Variants in PPP2R3B observed in about 807,000 individuals in gnomAD.
PPP2R3B encodes the protein protein phosphatase 2 regulatory subunit B''beta.
Under a neutral mutation model 72.9 loss-of-function variants are expected in PPP2R3B, and 68 were observed. That is an observed-to-expected ratio of 0.93 (90% confidence interval 0.77 to 1.14). The LOEUF is 1.14. Among genes scored for constraint, PPP2R3B ranks in the 50% most tolerant of loss-of-function variants. PPP2R3B has a pLI of 0.00. For synonymous variants in PPP2R3B, 466 were observed against 375.8 expected, an observed-to-expected ratio of 1.24 and a Z score of -2.78; for missense variants, 1,018 against 842.0, an observed-to-expected ratio of 1.21 and a Z score of -2.59.
chrX:351,342 A>G (rs772968745), intron 2 of PPP2R3B, among the ~76,000 whole-genome samples: 2 of 152,260 alleles, frequency 1.3e-5, no homozygotes, highest in African/African-American at 4.8e-5. Context: ...GCAGGTTTCA[A>G]ACCCCAAGCG....
intron 2 of PPP2R3B, among the ~76,000 whole-genome samples, chrX:349,640 T>C (rs753084179): frequency 2.6e-5 from 4 of 152,330 alleles, no homozygotes; most frequent in East Asian, 1.9e-4. Flanking sequence ...CGGGAATTAA[T>C]AAGTATCTTC....
In PPP2R3B at chrX:346,775, C is replaced by T. The variant is rs1421935273; in HGVS notation, c.718G>A (p.Asp240Asn). ...VQEDFVPFLQ[D>N]VVNTHPGLSF... ...AGCCCCGGGTGCGTGTTCACCACGT[C>T]CTGCGGGTGGGAAGACACGAGGCGC... The change falls in exon 5 of 13, where the codon GAC becomes AAC. Residue 240 changes from aspartate (D) to asparagine (N), a missense_variant and splice_region_variant. Transcript: ENST00000390665. 14 of 1,608,916 alleles carry T rather than the reference C, an allele frequency of 8.7e-6. No homozygotes were observed. In the Admixed American group the frequency reaches 2.2e-4, roughly 25 times the overall value.
At chrX:369,634 C>T (rs1486159309) in intron 1 of PPP2R3B, among the ~76,000 whole-genome samples, 1 of 152,220 alleles carries the variant, frequency 6.6e-6, no homozygotes, top group Non-Finnish European at 1.5e-5. Context: ...CGTGACACAT[C>T]CTCTCGCGAC....
At chrX:338,320 C>A (rs1289877350) in intron 12 of PPP2R3B, 22 of 573,182 alleles carry the variant, frequency 3.8e-5, no homozygotes, top group Admixed American at 3.6e-4. Flanking sequence ...ACGACTCGGC[C>A]TCCCCGTGCT....
At chrX:367,933 T>C (rs1158956006) in intron 1 of PPP2R3B, among the ~76,000 whole-genome samples, 2 of 152,206 alleles carry the variant, frequency 1.3e-5, no homozygotes, top group African/African-American at 2.4e-5. Context: ...CACAAGGTGA[T>C]GGACAGACCT....
Position 361,514 on chromosome X carries a change from C to T in PPP2R3B, c.401G>A (p.Arg134His), listed in dbSNP as rs372113698. ...ATCCACGTTGACGGAGTCCTGCGGG[C>T]GTCCTCTGGGGAAGTAGAAGGTCGG... is the stretch of plus-strand genomic sequence containing the variant. The part of the protein sequence containing the change: ...SIPTFYFPRG[R>H]PQDSVNVDAV... Residue 134 changes from arginine (R) to histidine (H), a missense_variant, in exon 2 of 13, where the codon CGC (arginine) becomes CAC (histidine). Coordinates refer to ENST00000390665, the MANE Select transcript of PPP2R3B (RefSeq NM_013239.5). The T allele has an allele frequency of 8.9e-5, 143 of 1,613,884 alleles. No homozygotes were observed. Among genetic ancestry groups the T allele is most frequent in the South Asian group, 1.9e-4 (17 of 91,082 alleles).
rs370765133 is a variant in PPP2R3B, at chrX:334,032, G to A, written c.*335C>T. 9.1e-4 allele frequency: 226 copies of A among 248,364 alleles called. No individual in the cohort carries two copies. In the East Asian group the frequency reaches 0.012, roughly 13 times the overall value. 15.4% of individuals were successfully genotyped at this position (248,364 alleles called of 1,614,324 possible). A position where few individuals can be genotyped will look rare whatever the true frequency, so the allele number is the denominator to read the frequency against. ...GGAGGCTCCTGTCCAGGACTGAGGC[G>A]CCCGGGAGCCGCCGGTCACCGTTGT... On this transcript the variant is annotated 3_prime_UTR_variant, in exon 13 of 13. Transcript: ENST00000390665.
chrX:376,437 C>CGT (rs1569416381), intron 1 of PPP2R3B, among the ~76,000 whole-genome samples: 1 of 107,736 alleles, frequency 9.3e-6, no homozygotes, highest in African/African-American at 5.2e-5. Flanking sequence ...CGACAGAGCC[C>CGT]CCATGGGGCC....
At chrX:364,168 G>A (rs1002092321) in intron 1 of PPP2R3B, among the ~76,000 whole-genome samples, 11 of 152,244 alleles carry the variant, frequency 7.2e-5, no homozygotes, top group African/African-American at 2.7e-4. Context: ...GTCCTCCGGG[G>A]AAGCTCCCAG....
chrX:354,111 C>G (rs947763286), intron 2 of PPP2R3B, among the ~76,000 whole-genome samples: 9 of 111,804 alleles, frequency 8.0e-5, no homozygotes, highest in East Asian at 2.7e-4. Flanking sequence ...CTCGCCCAAA[C>G]ACAGGGGGCT....
chrX:386,487 T>A lies in PPP2R3B; in HGVS notation c.205A>T (p.Ser69Cys). ...GGGGTTCCCGGGGGTTCGAGCCCGC[T>A]GGGCCGGGGGGCGGCGAGCGGGGCT... ...PTAPLAAPRP[S>C]GLEPPGTPGP... The change falls in exon 1 of 13, where the codon AGC becomes TGC. Residue 69 changes from serine to cysteine, a missense_variant. Physicochemically the swap from Ser to Cys is moderately radical, Grantham distance 112. Coordinates refer to ENST00000390665, the MANE Select transcript of PPP2R3B (RefSeq NM_013239.5). 7.8e-7 allele frequency: 1 copy of A among 1,280,200 alleles called. No homozygotes were observed. Among genetic ancestry groups the A allele is most frequent in the Non-Finnish European group, 9.9e-7 (1 of 1,011,808 alleles). The allele number at this position is 1,280,200 out of a possible 1,614,324, so 79.3% of individuals were successfully genotyped here. A position where few individuals can be genotyped will look rare whatever the true frequency, so the allele number is the denominator to read the frequency against.
chrX:384,319 CAG>C (rs1435054272), intron 1 of PPP2R3B, among the ~76,000 whole-genome samples: 2 of 142,740 alleles, frequency 1.4e-5, no homozygotes, highest in Non-Finnish European at 1.5e-5. Flanking sequence ...TTTTTTGAGA[CAG>C]GGCCTTCCTC....
intron 4 of PPP2R3B, among the ~76,000 whole-genome samples, chrX:346,992 C>CGGTGT (rs2071231868): frequency 7.1e-6 from 1 of 141,436 alleles, no homozygotes; most frequent in Non-Finnish European, 1.5e-5. Flanking sequence ...GTGAGGTGTG[C>CGGTGT]AGTGTAGACG....
intron 2 of PPP2R3B, among the ~76,000 whole-genome samples, chrX:358,334 G>A (rs754248816): frequency 6.6e-6 from 1 of 152,344 alleles, no homozygotes; most frequent in East Asian, 1.9e-4. Context: ...CCACAGCGCA[G>A]GTGGATTAAG....
intron 1 of PPP2R3B, among the ~76,000 whole-genome samples, chrX:364,847 C>T (rs765798369): frequency 1.1e-3 from 41 of 37,460 alleles, no homozygotes; most frequent in South Asian, 4.1e-3. Context: ...CGCACCACTG[C>T]ACTCCAGCCT....
Position 346,230 on chromosome X carries a change from G to T in PPP2R3B, c.823C>A (p.Arg275=), listed in dbSNP as rs2071209181. 6.4e-7 allele frequency: 1 copy of T among 1,572,452 alleles called. No homozygotes were observed. Among genetic ancestry groups the T allele is most frequent in the South Asian group, 1.2e-5 (1 of 85,748 alleles). ...CAGGTGATCCTGCCGGACCAGGACC[G>T]GTTCACGGCGTAGAAGATCCGCTGG... The part of the protein sequence containing the change: ...VIQRIFYAVN[R]SWSGRITCAE... The change falls in exon 6 of 13, where the codon CGG becomes AGG. Residue 275 remains arginine, a synonymous_variant. Transcript: ENST00000390665.
Position 338,874 on chromosome X carries a change from C to T in PPP2R3B, c.1374G>A (p.Leu458=), listed in dbSNP as rs775827356. 6.2e-7 allele frequency: 1 copy of T among 1,612,422 alleles called. No homozygotes were observed. The highest frequency in any genetic ancestry group is 1.1e-5 in the South Asian group (1 of 91,084). The change falls in exon 11 of 13, where the codon CTG becomes CTA. Residue 458 remains leucine (L), a synonymous_variant. Coordinates refer to ENST00000390665, the MANE Select transcript of PPP2R3B (RefSeq NM_013239.5). ...AGACGTTAGCCAGCTTGCAGCGCTT[C>T]AGGTCCTGCAGCGTGATCTTCCCTG... ...RTEGKITLQD[L]KRCKLANVFF...
chrX:363,650 C>T (rs1194563858), intron 1 of PPP2R3B, among the ~76,000 whole-genome samples: 8 of 88,858 alleles, frequency 9.0e-5, no homozygotes, highest in Non-Finnish European at 1.4e-4. Context: ...ACAGTCATCT[C>T]CCTGTGCCCA....
intron 1 of PPP2R3B, among the ~76,000 whole-genome samples, chrX:383,187 A>G (rs1355062213): frequency 2.6e-5 from 4 of 152,160 alleles, no homozygotes; most frequent in Non-Finnish European, 5.9e-5. Context: ...TTCTAGATCC[A>G]TCAGAAGACA....
Sources: gnomAD v4.1 joint callset for allele counts (sites outside exome capture counted in the v4.1 genomes callset) on GRCh38, gnomAD v4.1.1 for gene constraint, MANE v1.5 for transcripts, NCBI Gene and HGNC (gene_info 2026-07-23, HGNC 2026-07-21) for gene names.